PDE4B: variants seen among roughly 807,000 people sequenced by gnomAD.
The protein encoded by PDE4B is 3',5'-cyclic-AMP phosphodiesterase 4B.
PDE4B carries 20 observed loss-of-function variants against 82.2 expected under a neutral mutation model. The observed-to-expected ratio is 0.24, with a 90% CI of 0.17 to 0.35. The LOEUF is 0.35. Ranked by LOEUF, PDE4B falls within the 10% of genes least tolerant of loss-of-function variation. The probability of loss-of-function intolerance (pLI) is 1.00; values close to 1 mark genes in which losing one functional copy is unlikely to be tolerated. For missense variants in PDE4B, 655 were observed against 907.2 expected, an observed-to-expected ratio of 0.72 and a Z score of 3.57; for synonymous variants, 320 against 318.9, an observed-to-expected ratio of 1.00 and a Z score of -0.04.
At chr1:66,347,039 G>A (rs746674258) in intron 8 of PDE4B, among the ~76,000 whole-genome samples, 46 of 151,976 alleles carry the variant, frequency 3.0e-4, no homozygotes, top group Non-Finnish European at 5.9e-4. Flanking sequence ...TTTTATTTCC[G>A]GACTCAGTTG....
intron 7 of PDE4B, among the ~76,000 whole-genome samples, chr1:66,288,335 G>T (rs985956933): frequency 5.9e-5 from 9 of 152,064 alleles, no homozygotes; most frequent in Admixed American, 3.3e-4. Context: ...ACATGATTCA[G>T]TCACTTTCAA....
intron 3 of PDE4B, among the ~76,000 whole-genome samples, chr1:65,935,731 C>T (rs370322611): frequency 3.9e-5 from 6 of 152,074 alleles, no homozygotes; most frequent in Non-Finnish European, 5.9e-5. Context: ...CACCTGAGGT[C>T]GAGAGTTCGA....
At chr1:66,230,991 A>C (rs1651903299) in intron 3 of PDE4B, among the ~76,000 whole-genome samples, 1 of 150,352 alleles carries the variant, frequency 6.7e-6, no homozygotes, top group African/African-American at 2.5e-5. Flanking sequence ...CCGAGATTGC[A>C]CCACTGCACT....
chr1:66,086,268 T>G (rs1657003718), intron 3 of PDE4B, among the ~76,000 whole-genome samples: 1 of 152,156 alleles, frequency 6.6e-6, no homozygotes, highest in Non-Finnish European at 1.5e-5. Context: ...CCAGAATAGC[T>G]CTCAAGGGAA....
chr1:65,938,533 G>A (rs1648275649), intron 3 of PDE4B, among the ~76,000 whole-genome samples: 2 of 152,172 alleles, frequency 1.3e-5, no homozygotes. Flanking sequence ...GCTTGACACA[G>A]GGCTAAGAAC....
chr1:66,247,560 A>G lies in PDE4B; in HGVS notation c.382A>G (p.Ser128Gly). The change falls in exon 4 of 17, where the codon AGC (serine) becomes GGC (glycine). Residue 128 changes from serine to glycine, a missense_variant. By Grantham distance (56) the Ser-to-Gly change is moderately conservative. Around this residue, in one of 3 missense-constraint regions of PDE4B, gnomAD observed 253 missense variants for 275.6 expected, o/e 0.92. Transcript: ENST00000341517. ...LVLHATFPGH[S>G]QRRESFLYRS... is the part of the protein sequence containing the mutation. ...ACTTCACGCCACCTTTCCTGGGCACAGCCAGCGCAGAGAGTCATTTCTCTA... is the reference window on the plus strand; with the variant it reads ...ACTTCACGCCACCTTTCCTGGGCACGGCCAGCGCAGAGAGTCATTTCTCTA... 1 of 1,612,676 alleles carries G rather than the reference A, an allele frequency of 6.2e-7. No homozygotes were observed. The highest frequency in any genetic ancestry group is 8.5e-7 in the Non-Finnish European group (1 of 1,179,234).
At chr1:65,860,936 T>G (rs928814583) in intron 1 of PDE4B, among the ~76,000 whole-genome samples, 2 of 152,334 alleles carry the variant, frequency 1.3e-5, no homozygotes, top group African/African-American at 4.8e-5. Flanking sequence ...CTTTGTAGAT[T>G]CTGGATCTTA....
chr1:66,339,018 CAAAA>C (rs60064823), intron 8 of PDE4B, among the ~76,000 whole-genome samples: 5 of 79,794 alleles, frequency 6.3e-5, no homozygotes, highest in Admixed American at 1.3e-4. Flanking sequence ...GACTCCGTCT[CAAAA>C]AAAAAAAAAA....
intron 8 of PDE4B, chr1:66,355,295 C>T (rs1662150286): frequency 4.9e-6 from 2 of 410,938 alleles, no homozygotes; most frequent in South Asian, 1.5e-4. Flanking sequence ...ATGTTTGCAT[C>T]TTCAAAAGTA....
At position 66,182,025 on chromosome 1, in the gene PDE4B, G is replaced by A. The variant is rs564067868; in HGVS notation, c.282-65435G>A. 1.1e-4 allele frequency among the ~76,000 whole-genome samples: 16 copies of A among 152,140 alleles called. 1 individual carries two copies. The highest frequency in any genetic ancestry group is 3.4e-4 in the African/African-American group (14 of 41,526). On this transcript the variant is annotated intron_variant, in intron 3 of 16. Coordinates refer to ENST00000341517, the MANE Select transcript of PDE4B (RefSeq NM_002600.4). ...AATATATTATTATTTACTCAGGCAA[G>A]AAAGACCATTCCTCAAAAAAGGGCT...
intron 1 of PDE4B, among the ~76,000 whole-genome samples, chr1:65,860,253 T>C (rs1646438847): frequency 6.6e-6 from 1 of 152,176 alleles, no homozygotes; most frequent in South Asian, 2.1e-4. Context: ...TGTGTCCATG[T>C]GTTCTCATTG....
chr1:65,878,394 G>T (rs1646672107), intron 1 of PDE4B, among the ~76,000 whole-genome samples: 1 of 152,088 alleles, frequency 6.6e-6, no homozygotes, highest in Non-Finnish European at 1.5e-5. Flanking sequence ...TGTACCCAAA[G>T]GATTATATAT....
At chr1:65,957,054 A>G (rs1649298019) in intron 3 of PDE4B, among the ~76,000 whole-genome samples, 1 of 151,608 alleles carries the variant, frequency 6.6e-6, no homozygotes, top group South Asian at 2.1e-4. Context: ...ATCTCTGTTT[A>G]GCTTTTTTGT....
intron 3 of PDE4B, among the ~76,000 whole-genome samples, chr1:66,130,684 CCTATACTCAATTTTGAA>C (rs1194011366): frequency 3.3e-5 from 5 of 152,136 alleles, no homozygotes; most frequent in African/African-American, 9.7e-5. Context: ...TAGGCTATAC[CCTATACTCAATTTTGAA>C]CTATACTCAA....
At chr1:66,092,406 C>T (rs1486364044) in intron 3 of PDE4B, among the ~76,000 whole-genome samples, 1 of 152,058 alleles carries the variant, frequency 6.6e-6, no homozygotes, top group East Asian at 1.9e-4. Context: ...TGAGGACTTA[C>T]CATATATATT....
chr1:66,204,710 G>C (rs1031678455), intron 3 of PDE4B, among the ~76,000 whole-genome samples: 1 of 152,204 alleles, frequency 6.6e-6, no homozygotes, highest in Non-Finnish European at 1.5e-5. Context: ...CGCAGAATTA[G>C]GGTGGGAGTG....
At chr1:65,898,422 G>A (rs1646934648) in intron 1 of PDE4B, among the ~76,000 whole-genome samples, 1 of 151,748 alleles carries the variant, frequency 6.6e-6, no homozygotes. Flanking sequence ...TGTCAAGAAG[G>A]GTATTTCCCC....
At chr1:65,958,899 C>A (rs1649406556) in intron 3 of PDE4B, among the ~76,000 whole-genome samples, 1 of 152,146 alleles carries the variant, frequency 6.6e-6, no homozygotes, top group Non-Finnish European at 1.5e-5. Context: ...TTTAAAACTT[C>A]TTTTGAAACA....
intron 3 of PDE4B, among the ~76,000 whole-genome samples, chr1:66,087,444 T>C (rs1657063284): frequency 6.6e-6 from 1 of 152,154 alleles, no homozygotes; most frequent in Non-Finnish European, 1.5e-5. Flanking sequence ...TTTTGTAGAT[T>C]GCCTGTTCAC....
Sources: gnomAD v4.1 joint callset for allele counts (sites outside exome capture counted in the v4.1 genomes callset) on GRCh38, gnomAD v4.1.1 for gene constraint, gnomAD v4.1.1 regional missense constraint, MANE v1.5 for transcripts, NCBI Gene and HGNC (gene_info 2026-07-23, HGNC 2026-07-21) for gene names.